TRPM3: variants seen among roughly 807,000 people sequenced by gnomAD.
The protein encoded by TRPM3 is long transient receptor potential channel 3.
TRPM3 carries 77 observed loss-of-function variants against 181.2 expected under a neutral mutation model. That is an observed-to-expected ratio of 0.42 (90% CI 0.35 to 0.51). TRPM3 has a LOEUF of 0.51. TRPM3 is among the 20% of genes least tolerant of loss of function. The pLI, the probability that TRPM3 is intolerant of heterozygous loss-of-function variation, is 0.01. For missense variants in TRPM3, 1,759 were observed against 2,196.7 expected, an observed-to-expected ratio of 0.80 and a Z score of 3.98; for synonymous variants, 745 against 796.4, an observed-to-expected ratio of 0.94 and a Z score of 1.09.
At chr9:71,414,081 C>A (rs1408423562) in intron 1 of TRPM3, among the ~76,000 whole-genome samples, 1 of 152,052 alleles carries the variant, frequency 6.6e-6, no homozygotes, top group South Asian at 2.1e-4. Flanking sequence ...TTAATTTATA[C>A]CATTGTATCG....
intron 1 of TRPM3, among the ~76,000 whole-genome samples, chr9:71,133,108 G>A (rs184211207): frequency 2.6e-5 from 4 of 151,846 alleles, no homozygotes; most frequent in East Asian, 1.9e-4. Flanking sequence ...ACCATTTTAC[G>A]TGCCCCTCAG....
At chr9:70,549,501 G>T (rs756987892) in intron 25 of TRPM3, 41 bp downstream of exon 25, 1 of 1,581,726 alleles carries the variant, frequency 6.3e-7, no homozygotes, top group East Asian at 2.3e-5. Flanking sequence ...GCATGCCTTG[G>T]CACAACACAT....
chr9:70,847,502 C>T (rs1050271441), intron 3 of TRPM3, among the ~76,000 whole-genome samples: 2 of 136,834 alleles, frequency 1.5e-5, no homozygotes, highest in South Asian at 2.4e-4. Context: ...CAGGATTTGA[C>T]CCTGAGTGTC....
At chr9:70,806,365 A>G (rs1377165052) in intron 6 of TRPM3, among the ~76,000 whole-genome samples, 2 of 152,168 alleles carry the variant, frequency 1.3e-5, no homozygotes, top group Non-Finnish European at 2.9e-5. Context: ...TCAGGGGCTC[A>G]TGATCCTGAG....
chr9:70,536,508 A>T lies in TRPM3; in HGVS notation c.4605T>A (p.Phe1535Leu). 6.2e-7 allele frequency: 1 copy of T among 1,614,154 alleles called. No homozygotes were observed. Among genetic ancestry groups the T allele is most frequent in the South Asian group, 1.1e-5 (1 of 91,078 alleles). The change falls in exon 26 of 26, where the codon TTT (phenylalanine) becomes TTA (leucine). Residue 1535 changes from phenylalanine to leucine, a missense_variant. Phe to Leu is a conservative substitution (Grantham distance 22). This residue lies in a region of TRPM3 where 612 missense variants were observed against 590.0 expected (regional missense o/e 1.04). Coordinates refer to ENST00000677713, the MANE Select transcript of TRPM3 (RefSeq NM_001366145.2). ...EEAPIVKSHS[F>L]MFSPSRSYYA... Reference sequence around the variant, plus strand: ...AATAGCTCCTTGAGGGGGAAAACATAAAGCTATGAGATTTCACAATGGGAG... The same window carrying T: ...AATAGCTCCTTGAGGGGGAAAACATTAAGCTATGAGATTTCACAATGGGAG...
intron 6 of TRPM3, among the ~76,000 whole-genome samples, chr9:70,809,559 C>G (rs952521118): frequency 3.9e-5 from 6 of 152,170 alleles, no homozygotes; most frequent in Non-Finnish European, 2.9e-5. Context: ...ACATGCTATA[C>G]AGGTTTGTAG....
chr9:71,331,057 A>G (rs922448593), intron 1 of TRPM3, among the ~76,000 whole-genome samples: 5 of 151,926 alleles, frequency 3.3e-5, no homozygotes, highest in African/African-American at 1.2e-4. Flanking sequence ...TTAAGAAGAC[A>G]AATTAGAACT....
At chr9:71,128,763 T>C (rs1013509552) in intron 1 of TRPM3, among the ~76,000 whole-genome samples, 1 of 152,226 alleles carries the variant, frequency 6.6e-6, no homozygotes, top group African/African-American at 2.4e-5. Flanking sequence ...CTTGAATAAC[T>C]TGCATGAATT....
intron 1 of TRPM3, among the ~76,000 whole-genome samples, chr9:70,868,082 T>C (rs964222290): frequency 1.3e-5 from 2 of 152,072 alleles, no homozygotes; most frequent in African/African-American, 4.8e-5. Context: ...ATCTTTTCTT[T>C]TTAAATATGC....
intron 6 of TRPM3, among the ~76,000 whole-genome samples, chr9:70,787,763 C>CTTTTTTTTTTTTTTTTTTTTTTTGATT (rs2084154820): frequency 1.5e-5 from 1 of 68,556 alleles, no homozygotes. Context: ...TTTTTGGATT[C>CTTTTTTTTTTTTTTTTTTTTTTTGATT]TTTTTTTTTT....
chr9:71,273,392 C>A (rs1468956895), intron 1 of TRPM3, among the ~76,000 whole-genome samples: 1 of 152,156 alleles, frequency 6.6e-6, no homozygotes, highest in African/African-American at 2.4e-5. Flanking sequence ...GATGGCTCTG[C>A]CACATGACCT....
At chr9:71,319,880 T>G (rs1019093238) in intron 1 of TRPM3, among the ~76,000 whole-genome samples, 1 of 152,172 alleles carries the variant, frequency 6.6e-6, no homozygotes, top group African/African-American at 2.4e-5. Context: ...CCATTCTTGC[T>G]GGTTCCTGAG....
At chr9:70,537,618 A>G (rs1034709909) in intron 25 of TRPM3, among the ~76,000 whole-genome samples, 7 of 152,246 alleles carry the variant, frequency 4.6e-5, no homozygotes, top group African/African-American at 1.7e-4. Flanking sequence ...AAGAGGCTTT[A>G]GAGATTATCT....
chr9:71,437,034 A>G (rs1403349786), intron 1 of TRPM3, among the ~76,000 whole-genome samples: 1 of 152,240 alleles, frequency 6.6e-6, no homozygotes, highest in African/African-American at 2.4e-5. Context: ...TCTTCTAGTT[A>G]ACTGAATACA....
At position 70,549,690 on chromosome 9, in the gene TRPM3, A is replaced by C. The variant is rs780960347; in HGVS notation, c.3575-16T>G. 1 of 1,582,976 alleles carries C rather than the reference A, an allele frequency of 6.3e-7. No homozygotes were observed. The highest frequency in any genetic ancestry group is 8.5e-7 in the Non-Finnish European group (1 of 1,173,030). The stretch of plus-strand genomic sequence containing the variant: ...ATGAAGAGTTCTGTGGAAAAAAAAA[A>C]AAAGGAAGTCTTGAGGGAGAGAAGT... On this transcript the variant is annotated splice_polypyrimidine_tract_variant and intron_variant, in intron 24 of 25. Transcript: ENST00000677713.
chr9:71,185,595 C>CT (rs1197867694), intron 1 of TRPM3, among the ~76,000 whole-genome samples: 1 of 151,820 alleles, frequency 6.6e-6, no homozygotes, highest in East Asian at 1.9e-4. Flanking sequence ...CTGGAGCAAT[C>CT]TAAAGCAAGG....
In TRPM3 at chr9:70,821,847, G is replaced by A. The variant is rs1288822701; in HGVS notation, c.973+6000C>T. 4.3e-4 allele frequency among the ~76,000 whole-genome samples: 65 copies of A among 152,250 alleles called. 1 individual carries two copies. Among genetic ancestry groups the A allele is most frequent in the Non-Finnish European group, 1.5e-5 (1 of 68,020 alleles). ...TACTTGCCAGGTAAAATCCCAGATTGATGCCTATTCTACCACTGTAACTGA... is the reference window on the plus strand; with the variant it reads ...TACTTGCCAGGTAAAATCCCAGATTAATGCCTATTCTACCACTGTAACTGA... On this transcript the variant is annotated intron_variant, in intron 6 of 25. Coordinates refer to ENST00000677713, the MANE Select transcript of TRPM3 (RefSeq NM_001366145.2).
At chr9:71,123,111 A>G (rs2073818313), upstream of TRPM3, among the ~76,000 whole-genome samples, 1 of 152,222 alleles carries the variant, frequency 6.6e-6, no homozygotes, top group Non-Finnish European at 1.5e-5. Flanking sequence ...TGGAATCTGG[A>G]TTGAAACCAG....
intron 1 of TRPM3, among the ~76,000 whole-genome samples, chr9:71,021,637 A>G (rs2097848360): frequency 6.6e-6 from 1 of 152,210 alleles, no homozygotes; most frequent in African/African-American, 2.4e-5. Context: ...TTACAAAACA[A>G]TGTAAATGTT....
Sources: allele counts gnomAD v4.1 joint callset (sites outside exome capture counted in the v4.1 genomes callset), GRCh38; gene constraint gnomAD v4.1.1; regional missense constraint gnomAD v4.1.1; transcripts MANE v1.5; gene names NCBI Gene and HGNC (gene_info 2026-07-23, HGNC 2026-07-21).